Variants in SPAG9 observed in about 807,000 individuals in gnomAD.
SPAG9 encodes the protein C-Jun-amino-terminal kinase-interacting protein 4.
A neutral mutation model predicts 166.5 loss-of-function variants in SPAG9; 35 were observed. The ratio of observed to expected loss-of-function variants is 0.21; its 90% CI spans 0.16 to 0.28. The LOEUF is 0.28. Ranked by LOEUF, SPAG9 falls within the 10% of genes least tolerant of loss-of-function variation. The probability of loss-of-function intolerance (pLI) is 1.00; values close to 1 mark genes in which losing one functional copy is unlikely to be tolerated. For synonymous variants in SPAG9, 534 were observed against 565.5 expected (o/e 0.94, Z 0.79); for missense variants, 1,235 against 1,603.3 (o/e 0.77, Z 3.92).
intron 5 of SPAG9, among the ~76,000 whole-genome samples, chr17:51,037,235 C>T (rs947069338): frequency 2.6e-5 from 4 of 152,218 alleles, no homozygotes; most frequent in Middle Eastern, 3.4e-3. Flanking sequence ...TCCTGAGTAG[C>T]AGTGACTAGA....
chr17:51,053,654 C>T (rs2047242729), intron 3 of SPAG9, among the ~76,000 whole-genome samples: 1 of 150,568 alleles, frequency 6.6e-6, no homozygotes, highest in African/African-American at 2.4e-5. Flanking sequence ...CACTGCACTC[C>T]AGCCTGGGTG....
chr17:50,987,282 T>G, intron 21 of SPAG9, 45 bp from the exon 22 acceptor site: 1 of 1,556,394 alleles, frequency 6.4e-7, no homozygotes, highest in Non-Finnish European at 8.7e-7. Flanking sequence ...TATACTTAAC[T>G]ATCGTTATAG....
intron 29 of SPAG9, 125 bp from the exon 30 acceptor site, chr17:50,966,512 A>G: frequency 1.5e-6 from 1 of 673,324 alleles, no homozygotes; most frequent in South Asian, 1.6e-5. Flanking sequence ...CTTTCACTGG[A>G]GAGTAAATAG....
chr17:51,104,642 T>A (rs1388880775), intron 1 of SPAG9, among the ~76,000 whole-genome samples: 1 of 149,872 alleles, frequency 6.7e-6, no homozygotes, highest in East Asian at 2.0e-4. Flanking sequence ...ATCTCAAAAA[T>A]AAATAAATAG....
intron 24 of SPAG9, among the ~76,000 whole-genome samples, chr17:50,984,027 A>G (rs772305508): frequency 4.6e-5 from 7 of 152,196 alleles, no homozygotes; most frequent in Non-Finnish European, 7.4e-5. Flanking sequence ...CAGGGTATCT[A>G]TGTTTCATAA....
Position 50,988,481 on chromosome 17 carries a change from A to G in SPAG9, c.2813+1196T>C, listed in dbSNP as rs1201280023. Among the ~76,000 whole-genome samples the G allele has an allele frequency of 2.6e-5, 4 of 152,240 alleles. No individual in the cohort carries two copies. In the East Asian group the frequency reaches 7.7e-4, roughly 29 times the overall value. On this transcript the variant is annotated intron_variant, in intron 21 of 29. Transcript: ENST00000262013. ...GGATCTAGAAAAGGCAGGAAAGAAAATAAAATAATTCACTAAATGGGCCTA... is the reference window on the plus strand; with the variant it reads ...GGATCTAGAAAAGGCAGGAAAGAAAGTAAAATAATTCACTAAATGGGCCTA...
At chr17:50,986,091 T>C (rs1371260781) in intron 22 of SPAG9, among the ~76,000 whole-genome samples, 1 of 152,258 alleles carries the variant, frequency 6.6e-6, no homozygotes, top group African/African-American at 2.4e-5. Context: ...ACCTCTCTAC[T>C]ACACTGATCT....
intron 4 of SPAG9, chr17:51,046,610 C>T (rs922410087): frequency 7.2e-6 from 11 of 1,535,886 alleles, no homozygotes; most frequent in African/African-American, 6.9e-5. Flanking sequence ...TAATGACCAC[C>T]GCCCCGCCAA....
chr17:50,985,817 C>T, intron 22 of SPAG9, 39 bp from the exon 23 acceptor site: 1 of 1,141,382 alleles, frequency 8.8e-7, no homozygotes, highest in East Asian at 2.4e-5. Context: ...GCATAGAGAA[C>T]ATCAAGACAT....
At chr17:51,079,842 T>C (rs1029680363) in intron 1 of SPAG9, 138 bp from the exon 2 acceptor site, 96 of 555,054 alleles carry the variant, frequency 1.7e-4, no homozygotes, top group Non-Finnish European at 2.6e-4. Flanking sequence ...GGTTGATTTT[T>C]AGTTTTTCTA....
chr17:51,011,385 CT>C (rs148325625), intron 9 of SPAG9, among the ~76,000 whole-genome samples: 384 of 139,192 alleles, frequency 2.8e-3, no homozygotes, highest in African/African-American at 3.9e-3. Context: ...AAGCCAAGGA[CT>C]TTTTTTTTTT....
Position 50,965,405 on chromosome 17 carries a change from TC to T in SPAG9, c.*866del, listed in dbSNP as rs2143517399. On this transcript the variant is annotated 3_prime_UTR_variant, in exon 30 of 30. Transcript: ENST00000262013. ...AGTACATTTTTTACATGGAAAAAAC[TC>T]AATCAACATCACCATTCTCTGGTAC... 1 of 152,294 alleles carries T rather than the reference TC, an allele frequency of 6.6e-6. No individual in the cohort carries two copies. Among genetic ancestry groups the T allele is most frequent in the South Asian group, 2.1e-4 (1 of 4,826 alleles). The allele number at this position is 152,294 out of a possible 1,614,324, so 9.4% of individuals were successfully genotyped here.
chr17:51,037,702 G>A lies in SPAG9; in HGVS notation c.741+3799C>T, dbSNP rs1415809456. Among the ~76,000 whole-genome samples the A allele has an allele frequency of 1.3e-3, 140 of 108,346 alleles. 2 individuals are homozygous for A. The highest frequency in any genetic ancestry group is 4.1e-3 in the African/African-American group (135 of 33,068). The allele number at this position is 108,346 out of a possible 152,430, so 71.1% of individuals were successfully genotyped here. On this transcript the variant is annotated intron_variant, in intron 5 of 29. Coordinates refer to ENST00000262013, the MANE Select transcript of SPAG9 (RefSeq NM_001130528.3). ...ATATATATAGTGTGTGTGTGTGTGT[G>A]TGTGTGTGTGTGTGTGTGTATAAAC...
rs905962570 is a variant in SPAG9 at position 51,120,313 on chromosome 17, G to A, written c.303+41C>T. On this transcript the variant is annotated intron_variant, in intron 1 of 29. Transcript: ENST00000262013. The surrounding 1 kb of genome is among the most constrained non-coding windows in gnomAD (Gnocchi z 4.7). ...CCGCGACCCCGCCCCGGCCGCCCCC[G>A]GAGACGGATCCCGCGGCCCCCGCCC... The A allele has an allele frequency of 1.5e-6, 2 of 1,345,904 alleles. No homozygotes were observed. The highest frequency in any genetic ancestry group is 2.2e-5 in the Admixed American group (1 of 44,948). 83.4% of individuals were successfully genotyped at this position (1,345,904 alleles called of 1,614,324 possible). A position where few individuals can be genotyped will look rare whatever the true frequency, so the allele number is the denominator to read the frequency against.
chr17:50,996,553 TG>T lies in SPAG9; in HGVS notation c.1968+11del, dbSNP rs755443760. On this transcript the variant is annotated intron_variant, in intron 16 of 29. Coordinates refer to ENST00000262013, the MANE Select transcript of SPAG9 (RefSeq NM_001130528.3). ...TTTCCTGCTGGATGCTCTTACCACA[TG>T]TGCATATTACCTGTTTGTACTTCTG... 7.4e-6 allele frequency: 12 copies of T among 1,614,060 alleles called. 1 individual carries two copies. The South Asian group carries it at 1.2e-4, about 16-fold the overall frequency.
intron 1 of SPAG9, among the ~76,000 whole-genome samples, chr17:51,097,144 T>C (rs891644638): frequency 6.6e-6 from 1 of 152,250 alleles, no homozygotes; most frequent in African/African-American, 2.4e-5. Flanking sequence ...ATCTTCCAGA[T>C]AGCTGAACAC....
intron 2 of SPAG9, among the ~76,000 whole-genome samples, chr17:51,057,926 TTTTA>T (rs2047404171): frequency 1.3e-5 from 2 of 152,210 alleles, no homozygotes; most frequent in African/African-American, 4.8e-5. Flanking sequence ...ATTCTATGAT[TTTTA>T]TTTAAAAACA....
At chr17:50,979,691 G>C (rs1974454438) in intron 26 of SPAG9, 55 bp downstream of exon 26, 12 of 1,530,146 alleles carry the variant, frequency 7.8e-6, no homozygotes, top group Non-Finnish European at 9.9e-6. Context: ...CACATAGATA[G>C]ATAAAATAAA....
Position 51,120,003 on chromosome 17 carries a change from AC to A in SPAG9, c.303+350del, listed in dbSNP as rs903554175. Among the ~76,000 whole-genome samples, 1 of 152,166 alleles carries A rather than the reference AC, an allele frequency of 6.6e-6. No individual in the cohort carries two copies. Among genetic ancestry groups the A allele is most frequent in the Non-Finnish European group, 1.5e-5 (1 of 68,026 alleles). ...GGGTAAAACTTTGAACCGCCATCTG[AC>A]TATCCCACGGTGGTCGGAAACTTCC... On this transcript the variant is annotated intron_variant, in intron 1 of 29. Coordinates refer to ENST00000262013, the MANE Select transcript of SPAG9 (RefSeq NM_001130528.3). The surrounding 1 kb of genome is among the most constrained non-coding windows in gnomAD (Gnocchi z 4.7).
Sources: gnomAD v4.1 joint callset for allele counts (sites outside exome capture counted in the v4.1 genomes callset) on GRCh38, gnomAD v4.1.1 for gene constraint, Gnocchi (gnomAD v3.1) non-coding constraint, MANE v1.5 for transcripts, NCBI Gene and HGNC (gene_info 2026-07-23, HGNC 2026-07-21) for gene names.